SLC45A4: variants seen among roughly 807,000 people sequenced by gnomAD.
SLC45A4 encodes solute carrier family 45 member 4.
Under a neutral mutation model 63.7 loss-of-function variants are expected in SLC45A4, and 32 were observed. The observed-to-expected ratio is 0.50, with a 90% confidence interval of 0.38 to 0.67. The LOEUF is 0.67. Ranked by LOEUF, SLC45A4 falls within the 30% of genes least tolerant of loss-of-function variation. The probability of loss-of-function intolerance (pLI) is 0.00; values close to 1 mark genes in which losing one functional copy is unlikely to be tolerated. For synonymous variants in SLC45A4, 535 were observed against 510.0 expected (o/e 1.05, Z -0.66); for missense variants, 1,027 against 1,157.7 (o/e 0.89, Z 1.64).
Position 141,208,857 on chromosome 8 carries a change from T to C in SLC45A4, c.*2715A>G, listed in dbSNP as rs886393483. ...GAAGCTCGTTAAAAGAGTCTTTACTTAGCTGACTTGTATAGGGAACAAAAC... is the reference window on the plus strand; with the variant it reads ...GAAGCTCGTTAAAAGAGTCTTTACTCAGCTGACTTGTATAGGGAACAAAAC... On this transcript the variant is annotated 3_prime_UTR_variant, in exon 9 of 9. Coordinates refer to ENST00000517878, the MANE Select transcript of SLC45A4 (RefSeq NM_001286646.2). The C allele has an allele frequency of 6.6e-6, 1 of 152,274 alleles. No homozygotes were observed. The highest frequency in any genetic ancestry group is 2.4e-5 in the African/African-American group (1 of 41,456). 9.4% of individuals were successfully genotyped at this position (152,274 alleles called of 1,614,324 possible). A position where few individuals can be genotyped will look rare whatever the true frequency, so the allele number is the denominator to read the frequency against.
At chr8:141,241,559 A>G (rs1372277428) in intron 2 of SLC45A4, among the ~76,000 whole-genome samples, 1 of 152,038 alleles carries the variant, frequency 6.6e-6, no homozygotes, top group African/African-American at 2.4e-5. Context: ...CATCCATTAC[A>G]ATACAGTCAA....
chr8:141,217,095 C>A lies in SLC45A4; in HGVS notation c.1724G>T (p.Cys575Phe). The stretch of plus-strand genomic sequence containing the variant: ...CTGACTTGGGGAGCTCTTACCTGAA[C>A]AAATAGCACCAGTGGCGGCATAAAT... ...LVIYAATGAI[C>F]SALLQKYLDN... Residue 575 changes from cysteine to phenylalanine, a missense_variant, in exon 6 of 9, where the codon TGT becomes TTT. Transcript: ENST00000517878. 6.2e-7 allele frequency: 1 copy of A among 1,613,936 alleles called. No homozygotes were observed. The highest frequency in any genetic ancestry group is 8.5e-7 in the Non-Finnish European group (1 of 1,179,978).
chr8:141,250,388 G>A (rs1355732681), intron 2 of SLC45A4, among the ~76,000 whole-genome samples: 1 of 147,332 alleles, frequency 6.8e-6, no homozygotes. Flanking sequence ...CCAACTATAG[G>A]CTGGTGTGAG....
chr8:141,243,719 G>A lies in SLC45A4; in HGVS notation c.241+10270C>T, dbSNP rs183189952. ...CGTCCATTTACACAGATTTTCTTCC[G>A]CTTCTGCCACCCGAGACAGCAAGAC... On this transcript the variant is annotated intron_variant, in intron 2 of 8. Coordinates refer to ENST00000517878, the MANE Select transcript of SLC45A4 (RefSeq NM_001286646.2). Among the ~76,000 whole-genome samples, 1,090 of 151,972 alleles carry A rather than the reference G, an allele frequency of 7.2e-3. 16 individuals carry two copies. Among genetic ancestry groups the A allele is most frequent in the African/African-American group, 0.025 (1,054 of 41,418 alleles).
In SLC45A4 at chr8:141,254,197, T is replaced by G; in HGVS notation, c.33A>C (p.Glu11Asp). The change falls in exon 2 of 9, where the codon GAA (glutamate) becomes GAC (aspartate). Residue 11 changes from glutamate to aspartate, a missense_variant. Transcript: ENST00000517878. This position sits in a 1 kb window ranked among gnomAD's most constrained non-coding sequence, Gnocchi z 4.5. ...CGGATAACTCTTGAACTTGCATAGA[T>G]TCCGGGTCGGCATTCTGCGGAGCCA... MKMAPQNADP[E>D]SMQVQELSVP... is the part of the protein sequence containing the mutation. 1 of 1,535,290 alleles carries G rather than the reference T, an allele frequency of 6.5e-7. No individual in the cohort carries two copies. The highest frequency in any genetic ancestry group is 8.7e-7 in the Non-Finnish European group (1 of 1,146,228).
intron 1 of SLC45A4, among the ~76,000 whole-genome samples, chr8:141,271,703 T>C (rs1264139640): frequency 1.3e-5 from 2 of 152,102 alleles, no homozygotes; most frequent in African/African-American, 2.4e-5. Flanking sequence ...ACAGATATGA[T>C]CATATGTCAG....
intron 1 of SLC45A4, among the ~76,000 whole-genome samples, chr8:141,300,708 C>T (rs1363178811): frequency 2.0e-5 from 3 of 152,258 alleles, no homozygotes; most frequent in Non-Finnish European, 4.4e-5. Context: ...TCAGTCTTCT[C>T]TGCTTCTAAC....
intron 2 of SLC45A4, among the ~76,000 whole-genome samples, chr8:141,238,145 A>G (rs1278247269): frequency 2.0e-5 from 3 of 152,212 alleles, no homozygotes; most frequent in Admixed American, 6.5e-5. Flanking sequence ...ACTCCTGGGC[A>G]GCAGACGCGT....
Position 141,254,030 on chromosome 8 carries a change from G to A in SLC45A4, c.200C>T (p.Ala67Val). 1 of 1,536,146 alleles carries A rather than the reference G, an allele frequency of 6.5e-7. No homozygotes were observed. The highest frequency in any genetic ancestry group is 8.7e-7 in the Non-Finnish European group (1 of 1,146,904). Residue 67 changes from alanine to valine, a missense_variant, in exon 2 of 9, where the codon GCC becomes GTC. Ala to Val is a moderately conservative substitution (Grantham distance 64, BLOSUM62 0). Transcript: ENST00000517878. The surrounding 1 kb of genome is among the most constrained non-coding windows in gnomAD (Gnocchi z 4.5). Reference protein sequence around the residue: ...AVMFGREFCYAMETALVTPIL... With the variant: ...AVMFGREFCYVMETALVTPIL... ...TGGTGTGACCAGAGCGGTTTCCATG[G>A]CGTAACAGAACTCCCTGCCAAACAT... is the stretch of plus-strand genomic sequence containing the variant.
intron 2 of SLC45A4, among the ~76,000 whole-genome samples, chr8:141,249,441 A>G (rs1009647336): frequency 2.0e-5 from 3 of 152,246 alleles, no homozygotes; most frequent in Non-Finnish European, 4.4e-5. Context: ...ATGAATCAGA[A>G]AAGCATTATG....
intron 2 of SLC45A4, among the ~76,000 whole-genome samples, chr8:141,235,754 T>G (rs1015183463): frequency 6.6e-6 from 1 of 152,088 alleles, no homozygotes; most frequent in Non-Finnish European, 1.5e-5. Context: ...AATGAAAAAT[T>G]TAAGCGTGTG....
rs1428019790 is a variant in SLC45A4, at chr8:141,227,453, G to A, written c.242-5688C>T. Among the ~76,000 whole-genome samples, 2 of 152,210 alleles carry A rather than the reference G, an allele frequency of 1.3e-5. No homozygotes were observed. The highest frequency in any genetic ancestry group is 2.9e-5 in the Non-Finnish European group (2 of 68,036). ...ACATCAAGATACGCTTGTGTGCTGGGACCAAATGCCACAGTGCGGCGAAAC... is the reference window on the plus strand; with the variant it reads ...ACATCAAGATACGCTTGTGTGCTGGAACCAAATGCCACAGTGCGGCGAAAC... On this transcript the variant is annotated intron_variant, in intron 2 of 8. Transcript: ENST00000517878. This position sits in a 1 kb window ranked among gnomAD's most constrained non-coding sequence, Gnocchi z 4.4.
intron 2 of SLC45A4, among the ~76,000 whole-genome samples, chr8:141,230,645 C>T (rs1319277459): frequency 1.3e-5 from 2 of 152,230 alleles, no homozygotes; most frequent in African/African-American, 4.8e-5. Flanking sequence ...GCTGCCCGAG[C>T]GCACGCTGTG....
intron 2 of SLC45A4, among the ~76,000 whole-genome samples, chr8:141,239,016 A>T (rs1485027087): frequency 6.6e-6 from 1 of 152,222 alleles, no homozygotes; most frequent in Non-Finnish European, 1.5e-5. Context: ...AAGAACCATC[A>T]GACCAGAAGC....
intron 1 of SLC45A4, among the ~76,000 whole-genome samples, chr8:141,305,573 G>T (rs1378144149): frequency 6.6e-6 from 1 of 152,220 alleles, no homozygotes; most frequent in Non-Finnish European, 1.5e-5. Context: ...TCTGCCAGGG[G>T]TGTTCCCAAG....
intron 1 of SLC45A4, among the ~76,000 whole-genome samples, chr8:141,279,318 C>A (rs1311926785): frequency 2.6e-5 from 4 of 152,254 alleles, no homozygotes; most frequent in African/African-American, 9.6e-5. Flanking sequence ...CAGGACAAGT[C>A]TGGCTTTACT....
At position 141,209,563 on chromosome 8, in the gene SLC45A4, C is replaced by T. The variant is rs1198630649; in HGVS notation, c.*2009G>A. The T allele has an allele frequency of 6.6e-6, 1 of 152,322 alleles. No individual in the cohort carries two copies. Among genetic ancestry groups the T allele is most frequent in the Non-Finnish European group, 1.5e-5 (1 of 68,112 alleles). The allele number at this position is 152,322 out of a possible 1,614,324, so 9.4% of individuals were successfully genotyped here. On this transcript the variant is annotated 3_prime_UTR_variant, in exon 9 of 9. Coordinates refer to ENST00000517878, the MANE Select transcript of SLC45A4 (RefSeq NM_001286646.2). ...GGTCCCCTCATTTGGGCTCTGCACACTGACCTGCACACTAAGAAGGGCTTT... is the reference window on the plus strand; with the variant it reads ...GGTCCCCTCATTTGGGCTCTGCACATTGACCTGCACACTAAGAAGGGCTTT...
chr8:141,273,875 G>C (rs978645999), intron 1 of SLC45A4, among the ~76,000 whole-genome samples: 1 of 152,224 alleles, frequency 6.6e-6, no homozygotes, highest in Non-Finnish European at 1.5e-5. Flanking sequence ...ATGTCCGTGT[G>C]TTTGAAGGGA....
In SLC45A4 at chr8:141,228,119, G is replaced by A. The variant is rs558609399; in HGVS notation, c.242-6354C>T. The A allele has an allele frequency of 5.3e-4, 846 of 1,604,550 alleles. 1 individual carries two copies. Among genetic ancestry groups the A allele is most frequent in the Non-Finnish European group, 7.0e-4 (815 of 1,172,410 alleles). The stretch of plus-strand genomic sequence containing the variant: ...GGTGCCCGAGAGGCTGTGGCTCACC[G>A]CAAGCTTTAGATGGAGTGATCTGGG... On this transcript the variant is annotated intron_variant, in intron 2 of 8. Transcript: ENST00000517878.
Sources: gnomAD v4.1 joint callset for allele counts (sites outside exome capture counted in the v4.1 genomes callset) on GRCh38, gnomAD v4.1.1 for gene constraint, Gnocchi (gnomAD v3.1) non-coding constraint, MANE v1.5 for transcripts, NCBI Gene and HGNC (gene_info 2026-07-23, HGNC 2026-07-21) for gene names.